The following ADAMTS2 variants were observed in gnomAD, a reference collection of about 807,000 sequenced individuals.
ADAMTS2 encodes the protein ADAM metallopeptidase with thrombospondin type 1 motif 2.
Under a neutral mutation model 123.0 loss-of-function variants are expected in ADAMTS2, and 50 were observed. That is an observed-to-expected ratio of 0.41 (90% CI 0.32 to 0.51). The LOEUF (loss-of-function observed/expected upper bound fraction) is 0.51, where lower values mean the gene tolerates loss of function less well. Ranked by LOEUF, ADAMTS2 falls within the 20% of genes least tolerant of loss-of-function variation. The pLI is 0.35. For synonymous variants in ADAMTS2, 678 were observed against 695.4 expected, an observed-to-expected ratio of 0.98 and a Z score of 0.39; for missense variants, 1,494 against 1,705.2, an observed-to-expected ratio of 0.88 and a Z score of 2.18.
intron 2 of ADAMTS2, among the ~76,000 whole-genome samples, chr5:179,329,970 C>CAA (rs888683936): frequency 6.6e-6 from 1 of 151,444 alleles, no homozygotes; most frequent in Non-Finnish European, 1.5e-5. Flanking sequence ...ACTAAAAATA[C>CAA]AAAAAATTAG....
chr5:179,208,007 T>G (rs953774892), intron 3 of ADAMTS2, among the ~76,000 whole-genome samples: 1 of 151,778 alleles, frequency 6.6e-6, no homozygotes, highest in East Asian at 1.9e-4. Flanking sequence ...CTCCACACGA[T>G]GGATCAGACC....
chr5:179,324,168 G>A (rs889742749), intron 2 of ADAMTS2, among the ~76,000 whole-genome samples: 1 of 152,178 alleles, frequency 6.6e-6, no homozygotes, highest in Non-Finnish European at 1.5e-5. Flanking sequence ...GGTTACTAAA[G>A]GGTCTGGGGT....
At chr5:179,264,893 T>C (rs1053000664) in intron 3 of ADAMTS2, among the ~76,000 whole-genome samples, 1 of 147,192 alleles carries the variant, frequency 6.8e-6, no homozygotes, top group African/African-American at 2.5e-5. Context: ...CTGAGCACAC[T>C]GACCCCTGCA....
At chr5:179,309,771 A>G (rs899302753) in intron 2 of ADAMTS2, among the ~76,000 whole-genome samples, 23 of 147,938 alleles carry the variant, frequency 1.6e-4, no homozygotes, top group African/African-American at 4.9e-4. Context: ...AAAAAAAAAA[A>G]AAAAAAAAAA....
intron 2 of ADAMTS2, among the ~76,000 whole-genome samples, chr5:179,318,264 T>G (rs945692051): frequency 6.6e-6 from 1 of 152,236 alleles, no homozygotes; most frequent in African/African-American, 2.4e-5. Context: ...GCATTTACTC[T>G]GAAGAACTGC....
In ADAMTS2 at chr5:179,217,816, C is replaced by CTAGG. The variant is rs1252781739; in HGVS notation, c.689-10105_689-10102dup. Among the ~76,000 whole-genome samples, 176 of 72,342 alleles carry CTAGG rather than the reference C, an allele frequency of 2.4e-3. 3 individuals are homozygous for CTAGG. Among genetic ancestry groups the CTAGG allele is most frequent in the African/African-American group, 9.4e-3 (163 of 17,322 alleles). 47.5% of individuals were successfully genotyped at this position (72,342 alleles called of 152,430 possible). A position where few individuals can be genotyped will look rare whatever the true frequency, so the allele number is the denominator to read the frequency against. On this transcript the variant is annotated intron_variant, in intron 3 of 21. Transcript: ENST00000251582. ...CGCAAGGGGGGGATGGGCACACTCA[C>CTAGG]TAGGGGATGGCCTGAGGGCAGACAG...
rs768587597 is a variant in ADAMTS2 at position 179,207,669 on chromosome 5, G to C, written c.735C>G (p.Val245=). ...SLDSLSRALG[V]LEEHANSSRR... Reference sequence around the variant, plus strand: ...TCGAGCTGTTGGCGTGCTCCTCTAGGACGCCCAGGGCGCGGCTGAGGCTGT... The same window carrying C: ...TCGAGCTGTTGGCGTGCTCCTCTAGCACGCCCAGGGCGCGGCTGAGGCTGT... The change falls in exon 4 of 22, where the codon GTC becomes GTG. Residue 245 remains valine (V), a synonymous_variant. Coordinates refer to ENST00000251582, the MANE Select transcript of ADAMTS2 (RefSeq NM_014244.5). The C allele has an allele frequency of 6.2e-7, 1 of 1,613,442 alleles. No individual in the cohort carries two copies. The highest frequency in any genetic ancestry group is 8.5e-7 in the Non-Finnish European group (1 of 1,180,024).
intron 2 of ADAMTS2, among the ~76,000 whole-genome samples, chr5:179,284,537 A>C (rs1014247020): frequency 1.3e-5 from 2 of 151,760 alleles, no homozygotes; most frequent in African/African-American, 4.8e-5. Flanking sequence ...CAGGTGCACA[A>C]CACCATGCCT....
Position 179,113,905 on chromosome 5 carries a change from C to T in ADAMTS2, c.3598G>A (p.Asp1200Asn). The T allele has an allele frequency of 6.2e-7, 1 of 1,614,194 alleles. No individual in the cohort carries two copies. Among genetic ancestry groups the T allele is most frequent in the South Asian group, 1.1e-5 (1 of 91,076 alleles). Residue 1200 changes from aspartate to asparagine, a missense_variant, in exon 22 of 22, where the codon GAT becomes AAT. Transcript: ENST00000251582. ...AGCATCTCTTTCTTCCGCATCTCAT[C>T]AATGAGCTCTTGGATTCTTTGGTTT... ...TRNQRIQELI[D>N]EMRKKEMLGK... is the part of the protein sequence containing the mutation.
intron 2 of ADAMTS2, among the ~76,000 whole-genome samples, chr5:179,289,039 C>A (rs1215367692): frequency 5.3e-5 from 8 of 152,210 alleles, no homozygotes; most frequent in Non-Finnish European, 1.2e-4. Flanking sequence ...CAGGTGCTGA[C>A]CTTGTGCATA....
At chr5:179,210,699 C>G (rs1764829315) in intron 3 of ADAMTS2, among the ~76,000 whole-genome samples, 1 of 152,202 alleles carries the variant, frequency 6.6e-6, no homozygotes, top group African/African-American at 2.4e-5. Context: ...GGGAGAAGCC[C>G]TAAGAGCAGG....
intron 3 of ADAMTS2, among the ~76,000 whole-genome samples, chr5:179,221,249 G>A (rs572384453): frequency 3.0e-4 from 46 of 152,264 alleles, no homozygotes; most frequent in African/African-American, 1.1e-3. Flanking sequence ...GCAAATGAGG[G>A]AACAAGCCCT....
At chr5:179,322,402 C>T (rs1757210665) in intron 2 of ADAMTS2, among the ~76,000 whole-genome samples, 1 of 152,182 alleles carries the variant, frequency 6.6e-6, no homozygotes, top group African/African-American at 2.4e-5. Context: ...CATGGTCACA[C>T]AGGAGGGAGT....
At chr5:179,195,672 TG>T (rs557479629) in intron 4 of ADAMTS2, among the ~76,000 whole-genome samples, 1 of 152,318 alleles carries the variant, frequency 6.6e-6, no homozygotes, top group East Asian at 1.9e-4. Context: ...CCCTCGGGCC[TG>T]GCTACTGTGA....
chr5:179,318,231 A>G (rs1304910285), intron 2 of ADAMTS2, among the ~76,000 whole-genome samples: 2 of 152,242 alleles, frequency 1.3e-5, no homozygotes, highest in Non-Finnish European at 2.9e-5. Flanking sequence ...AGCCCCTTCC[A>G]ATTAGTGAGG....
chr5:179,153,631 G>T lies in ADAMTS2; in HGVS notation c.1383-8C>A. On this transcript the variant is annotated splice_polypyrimidine_tract_variant and splice_region_variant and intron_variant, in intron 8 of 21. Transcript: ENST00000251582. ...AGCAGGCAGTCATAGGAGCTGTGGGGGACACACGGTGCCGCGAGCAGCCTT... is the reference window on the plus strand; with the variant it reads ...AGCAGGCAGTCATAGGAGCTGTGGGTGACACACGGTGCCGCGAGCAGCCTT... 1 of 1,600,632 alleles carries T rather than the reference G, an allele frequency of 6.2e-7. No homozygotes were observed. Among genetic ancestry groups the T allele is most frequent in the South Asian group, 1.1e-5 (1 of 90,600 alleles).
At position 179,312,875 on chromosome 5, in the gene ADAMTS2, C is replaced by G. The variant is rs548198685; in HGVS notation, c.534+30892G>C. ...TCCAGAACCGTGAGAGGATACAATT[C>G]TAATGTTTCAAACCAGCAAGCTTGT... On this transcript the variant is annotated intron_variant, in intron 2 of 21. Transcript: ENST00000251582. The surrounding 1 kb of genome is among the most constrained non-coding windows in gnomAD (Gnocchi z 4.2). 6.6e-6 allele frequency among the ~76,000 whole-genome samples: 1 copy of G among 152,262 alleles called. No individual in the cohort carries two copies. The highest frequency in any genetic ancestry group is 1.5e-5 in the Non-Finnish European group (1 of 68,046).
intron 4 of ADAMTS2, among the ~76,000 whole-genome samples, chr5:179,193,332 C>T (rs1476281618): frequency 3.3e-5 from 5 of 152,206 alleles, no homozygotes; most frequent in African/African-American, 7.2e-5. Context: ...TACTTCCCCG[C>T]GTGCGATATC....
intron 4 of ADAMTS2, among the ~76,000 whole-genome samples, chr5:179,195,170 AG>A (rs1400746556): frequency 1.3e-5 from 2 of 152,200 alleles, no homozygotes; most frequent in Admixed American, 1.3e-4. Flanking sequence ...CCCCCAGTGC[AG>A]GGATGCGGAG....
Sources: gnomAD v4.1 joint callset for allele counts (sites outside exome capture counted in the v4.1 genomes callset) on GRCh38, gnomAD v4.1.1 for gene constraint, Gnocchi (gnomAD v3.1) non-coding constraint, MANE v1.5 for transcripts, NCBI Gene and HGNC (gene_info 2026-07-23, HGNC 2026-07-21) for gene names.